The following ITGA11 variants were observed in gnomAD, a reference collection of about 807,000 sequenced individuals.
ITGA11 encodes the protein integrin alpha-11.
A neutral mutation model predicts 141.9 loss-of-function variants in ITGA11; 97 were observed. The ratio of observed to expected loss-of-function variants is 0.68; its 90% CI spans 0.58 to 0.81. The LOEUF is 0.81. Among genes scored for constraint, ITGA11 ranks in the 30% least tolerant of loss-of-function variants. The pLI is 0.00. For synonymous variants in ITGA11, 658 were observed against 624.6 expected (o/e 1.05, Z -0.80); for missense variants, 1,387 against 1,559.2 (o/e 0.89, Z 1.86).
rs550754461 is a variant in ITGA11 at position 68,332,401 on chromosome 15, G to C, written c.1503C>G (p.Gly501=). The C allele has an allele frequency of 2.5e-6, 4 of 1,610,184 alleles. No homozygotes were observed. Among genetic ancestry groups the C allele is most frequent in the Non-Finnish European group, 2.5e-6 (3 of 1,178,570 alleles). The change falls in exon 13 of 30, where the codon GGC becomes GGG. Residue 501 remains glycine, a synonymous_variant. Transcript: ENST00000315757. ...GGCCCTCGTTGAAGTACATGGGTGC[G>C]CCCACCAGCAGGACATCAGTCACGC... ...GDGVTDVLLV[G]APMYFNEGRE... is the part of the protein sequence containing the mutation.
At chr15:68,362,840 A>G (rs1895291215) in intron 4 of ITGA11, among the ~76,000 whole-genome samples, 1 of 152,130 alleles carries the variant, frequency 6.6e-6, no homozygotes, top group Non-Finnish European at 1.5e-5. Context: ...TGGATGGATG[A>G]TGGATGGATA....
intron 5 of ITGA11, 38 bp downstream of exon 5, chr15:68,361,552 A>G: frequency 7.3e-7 from 1 of 1,377,974 alleles, no homozygotes; most frequent in Non-Finnish European, 1.0e-6. Context: ...TGGACTGTCC[A>G]CTGCTCAGCT....
At position 68,369,304 on chromosome 15, in the gene ITGA11, G is replaced by A. The variant is rs1895517758; in HGVS notation, c.165-20C>T. On this transcript the variant is annotated intron_variant, in intron 2 of 29. Coordinates refer to ENST00000315757, the MANE Select transcript of ITGA11 (RefSeq NM_001004439.2). ...ACCAGCCTGGGAAGGAAGAGAAGAT[G>A]AGCAAAGACATTGGGGGAGGTACTC... 6.8e-7 allele frequency: 1 copy of A among 1,466,154 alleles called. No homozygotes were observed. The highest frequency in any genetic ancestry group is 1.4e-5 in the African/African-American group (1 of 70,208). 90.8% of individuals were successfully genotyped at this position (1,466,154 alleles called of 1,614,324 possible).
intron 21 of ITGA11, among the ~76,000 whole-genome samples, chr15:68,316,701 A>G (rs1893590699): frequency 6.6e-6 from 1 of 152,102 alleles, no homozygotes; most frequent in African/African-American, 2.4e-5. Flanking sequence ...CTCCTCTCTG[A>G]TTCCCAAGTC....
Position 68,298,533 on chromosome 15 carries a change from G to A in ITGA11, c.*4526C>T, listed in dbSNP as rs1338727928. 1 of 152,208 alleles carries A rather than the reference G, an allele frequency of 6.6e-6. No individual in the cohort carries two copies. The highest frequency in any genetic ancestry group is 2.4e-5 in the African/African-American group (1 of 41,420). The allele number at this position is 152,208 out of a possible 1,614,324, so 9.4% of individuals were successfully genotyped here. A position where few individuals can be genotyped will look rare whatever the true frequency, so the allele number is the denominator to read the frequency against. On this transcript the variant is annotated 3_prime_UTR_variant, in exon 30 of 30. Transcript: ENST00000315757. ...CCCAGCTACTCAAGAGGCTGAGGTG[G>A]GAGGATCACTGAAGTCCAGGAGGTC...
intron 10 of ITGA11, chr15:68,340,789 ATAC>A (rs1894541354): frequency 1.3e-5 from 2 of 152,360 alleles, no homozygotes; most frequent in African/African-American, 4.8e-5. Flanking sequence ...AGCAATCGAC[ATAC>A]CTACTGGGTA....
chr15:68,309,605 T>G (rs1893311523), intron 26 of ITGA11, among the ~76,000 whole-genome samples: 1 of 148,846 alleles, frequency 6.7e-6, no homozygotes, highest in Non-Finnish European at 1.5e-5. Flanking sequence ...TTTTTTTTTT[T>G]TTTTTTTGAG....
intron 2 of ITGA11, among the ~76,000 whole-genome samples, chr15:68,395,088 A>C (rs1896200020): frequency 6.6e-6 from 1 of 152,188 alleles, no homozygotes; most frequent in Non-Finnish European, 1.5e-5. Flanking sequence ...TGAGGGACCC[A>C]ACTATTAGAA....
chr15:68,425,883 G>A (rs980113359), intron 1 of ITGA11, among the ~76,000 whole-genome samples: 1 of 152,194 alleles, frequency 6.6e-6, no homozygotes, highest in African/African-American at 2.4e-5. Flanking sequence ...CCTTCTCTGT[G>A]TCATCCTGTT....
Position 68,315,685 on chromosome 15 carries a change from G to A in ITGA11, c.2758C>T (p.Leu920=). 1 of 1,613,374 alleles carries A rather than the reference G, an allele frequency of 6.2e-7. No homozygotes were observed. Residue 920 remains leucine (L), a synonymous_variant, in exon 22 of 30, where the codon CTA becomes TTA. Transcript: ENST00000315757. The part of the protein sequence containing the change: ...LDFEFSKSIF[L]HHLEIELAAG... ...GCGAGCTCGATCTCCAGGTGGTGTA[G>A]GAAGATGGATTTGCTGAACTCAAAA...
chr15:68,389,275 G>A (rs564063316), intron 2 of ITGA11, among the ~76,000 whole-genome samples: 38 of 152,288 alleles, frequency 2.5e-4, no homozygotes, highest in Admixed American at 1.4e-3. Flanking sequence ...ATCTGAGATC[G>A]GGGTTCTGTG....
At chr15:68,379,525 T>C (rs757743344) in intron 2 of ITGA11, among the ~76,000 whole-genome samples, 2 of 152,244 alleles carry the variant, frequency 1.3e-5, no homozygotes, top group Non-Finnish European at 2.9e-5. Flanking sequence ...AAAGACAAGC[T>C]GCATCTTCAC....
rs1894068245 is a variant in ITGA11, at chr15:68,328,876, G to T, written c.1902-614C>A. Among the ~76,000 whole-genome samples the T allele has an allele frequency of 6.6e-6, 1 of 152,164 alleles. No homozygotes were observed. Among genetic ancestry groups the T allele is most frequent in the Non-Finnish European group, 1.5e-5 (1 of 68,044 alleles). ...AAAGCACCCCAGGTGATTCCAACGT[G>T]CAGCCAGCATCCATCTAACCCCCAC... is the stretch of plus-strand genomic sequence containing the variant. On this transcript the variant is annotated intron_variant, in intron 15 of 29. Transcript: ENST00000315757. The surrounding 1 kb of genome is among the most constrained non-coding windows in gnomAD (Gnocchi z 4.8).
rs1894148443 is a variant in ITGA11, at chr15:68,331,257, T to C, written c.1771-146A>G. On this transcript the variant is annotated intron_variant, in intron 14 of 29. Coordinates refer to ENST00000315757, the MANE Select transcript of ITGA11 (RefSeq NM_001004439.2). ...CCCCAACCCAAAGCAATCTCCTCTCTTGGCCTATCATGGCACCTGAAATTC... is the reference window on the plus strand; with the variant it reads ...CCCCAACCCAAAGCAATCTCCTCTCCTGGCCTATCATGGCACCTGAAATTC... 7.4e-5 allele frequency: 50 copies of C among 679,890 alleles called. No individual in the cohort carries two copies. The South Asian group carries it at 9.1e-4, about 12-fold the overall frequency. The allele number at this position is 679,890 out of a possible 1,614,324, so 42.1% of individuals were successfully genotyped here.
intron 2 of ITGA11, among the ~76,000 whole-genome samples, chr15:68,386,094 G>C (rs1251579085): frequency 6.6e-6 from 1 of 152,118 alleles, no homozygotes; most frequent in East Asian, 1.9e-4. Context: ...CCTCTGCCTG[G>C]AGTCTCCACA....
intron 1 of ITGA11, among the ~76,000 whole-genome samples, chr15:68,416,840 A>C (rs6494741): frequency 0.85 from 129,795 of 152,058 alleles, 56,296 homozygotes; most frequent in Non-Finnish European, 0.94. Context: ...TGCTTGAACC[A>C]GGGAGGCAGA....
chr15:68,393,434 T>A (rs968477913), intron 2 of ITGA11, among the ~76,000 whole-genome samples: 3 of 152,078 alleles, frequency 2.0e-5, no homozygotes, highest in Non-Finnish European at 4.4e-5. Context: ...TACATCATAG[T>A]CAAACTGCTG....
At position 68,325,233 on chromosome 15, in the gene ITGA11, A is replaced by C; in HGVS notation, c.2220T>G (p.Ala740=). 1 of 1,612,874 alleles carries C rather than the reference A, an allele frequency of 6.2e-7. No individual in the cohort carries two copies. The highest frequency in any genetic ancestry group is 8.5e-7 in the Non-Finnish European group (1 of 1,178,864). ...ERINFHVLDT[A]DYVKPVTFSV... ...AGAAGGTCACTGGCTTCACGTAGTC[A>C]GCAGTGTCCTGGGGGGTGGAGATGA... is the stretch of plus-strand genomic sequence containing the variant. Residue 740 remains alanine (A), a synonymous_variant, in exon 18 of 30, where the codon GCT becomes GCG. Coordinates refer to ENST00000315757, the MANE Select transcript of ITGA11 (RefSeq NM_001004439.2). The surrounding 1 kb of genome is among the most constrained non-coding windows in gnomAD (Gnocchi z 5.5).
chr15:68,411,558 G>C (rs1896771200), intron 1 of ITGA11, among the ~76,000 whole-genome samples: 1 of 152,224 alleles, frequency 6.6e-6, no homozygotes, highest in Admixed American at 6.5e-5. Flanking sequence ...TATGGCAGAA[G>C]AGAGGAACTG....
Sources: gnomAD v4.1 joint callset for allele counts (sites outside exome capture counted in the v4.1 genomes callset) on GRCh38, gnomAD v4.1.1 for gene constraint, Gnocchi (gnomAD v3.1) non-coding constraint, MANE v1.5 for transcripts, NCBI Gene and HGNC (gene_info 2026-07-23, HGNC 2026-07-21) for gene names.